LPAR3: variants seen among roughly 807,000 people sequenced by gnomAD.
The protein encoded by LPAR3 is lysophosphatidic acid receptor 3, also known as LPA receptor 3.
In LPAR3, 7 loss-of-function variants were observed where a neutral mutation model predicts 17.8. That is an observed-to-expected ratio of 0.39 (90% confidence interval 0.22 to 0.74). LPAR3 has a LOEUF of 0.74. Ranked by LOEUF, LPAR3 falls within the 30% of genes least tolerant of loss-of-function variation. The probability of loss-of-function intolerance (pLI) is 0.40; values close to 1 mark genes in which losing one functional copy is unlikely to be tolerated. For missense variants in LPAR3, 391 were observed against 453.4 expected (o/e 0.86, Z 1.25); for synonymous variants, 179 against 179.9 (o/e 0.99, Z 0.04).
In LPAR3 at chr1:84,844,680, G is replaced by A. The variant is rs564246967; in HGVS notation, c.736+20705C>T. On this transcript the variant is annotated intron_variant, in intron 2 of 2. Transcript: ENST00000370611. ...AGCCACTGAAGAGAATTAGACATATGTTTATACAGACATGAAAAAATATTC... is the reference window on the plus strand; with the variant it reads ...AGCCACTGAAGAGAATTAGACATATATTTATACAGACATGAAAAAATATTC... 2.0e-5 allele frequency among the ~76,000 whole-genome samples: 3 copies of A among 152,204 alleles called. No homozygotes were observed. In the East Asian group the frequency reaches 5.8e-4, roughly 29 times the overall value.
At chr1:84,889,097 C>G (rs1411208222) in intron 1 of LPAR3, among the ~76,000 whole-genome samples, 1 of 151,758 alleles carries the variant, frequency 6.6e-6, no homozygotes, top group Non-Finnish European at 1.5e-5. Flanking sequence ...AAGAGGCCAG[C>G]CAAGGAAGAG....
At chr1:84,818,327 T>C (rs990131917) in intron 2 of LPAR3, among the ~76,000 whole-genome samples, 2 of 152,146 alleles carry the variant, frequency 1.3e-5, no homozygotes, top group African/African-American at 4.8e-5. Flanking sequence ...GAAGACTTGT[T>C]TGGAGTGTTG....
At position 84,851,994 on chromosome 1, in the gene LPAR3, T is replaced by C. The variant is rs145346459; in HGVS notation, c.736+13391A>G. On this transcript the variant is annotated intron_variant, in intron 2 of 2. Coordinates refer to ENST00000370611, the MANE Select transcript of LPAR3 (RefSeq NM_012152.3). Reference sequence around the variant, plus strand: ...GACCGTTAGCAACACACAGCAAGTCTTGGACTAAAGGCGTGTAGTAGGATC... The same window carrying C: ...GACCGTTAGCAACACACAGCAAGTCCTGGACTAAAGGCGTGTAGTAGGATC... Among the ~76,000 whole-genome samples the C allele has an allele frequency of 5.3e-5, 8 of 151,928 alleles. No homozygotes were observed. The East Asian group carries it at 1.5e-3, about 29-fold the overall frequency.
intron 2 of LPAR3, among the ~76,000 whole-genome samples, chr1:84,841,468 G>A (rs1035249721): frequency 1.3e-5 from 2 of 152,186 alleles, no homozygotes; most frequent in African/African-American, 4.8e-5. Flanking sequence ...GAAATTCTCA[G>A]TGGTTCCTGT....
intron 2 of LPAR3, among the ~76,000 whole-genome samples, chr1:84,817,652 G>C (rs1253609164): frequency 6.6e-6 from 1 of 152,044 alleles, no homozygotes. Flanking sequence ...TTTGCCTTTT[G>C]TTGTTCATTG....
chr1:84,832,290 C>T (rs1659300964), intron 2 of LPAR3, among the ~76,000 whole-genome samples: 2 of 152,172 alleles, frequency 1.3e-5, no homozygotes, highest in East Asian at 1.9e-4. Flanking sequence ...TTTCTTCCTA[C>T]AATCATCAAC....
chr1:84,857,220 C>A (rs774053326), intron 2 of LPAR3, among the ~76,000 whole-genome samples: 8 of 152,176 alleles, frequency 5.3e-5, no homozygotes, highest in Non-Finnish European at 8.8e-5. Flanking sequence ...TGCTTGAATA[C>A]AGGGCATGGC....
intron 2 of LPAR3, among the ~76,000 whole-genome samples, chr1:84,855,662 G>A (rs1659803058): frequency 6.6e-6 from 1 of 152,206 alleles, no homozygotes; most frequent in Non-Finnish European, 1.5e-5. Context: ...TTGGTGTAAT[G>A]GAACTGAAGG....
intron 2 of LPAR3, among the ~76,000 whole-genome samples, chr1:84,854,047 C>G (rs963195447): frequency 2.6e-5 from 4 of 152,212 alleles, no homozygotes; most frequent in Admixed American, 6.5e-5. Flanking sequence ...TGCCTAGTCT[C>G]TCTTAGATAT....
intron 2 of LPAR3, among the ~76,000 whole-genome samples, chr1:84,830,004 A>T (rs1048247673): frequency 6.6e-6 from 1 of 152,170 alleles, no homozygotes; most frequent in Non-Finnish European, 1.5e-5. Context: ...ATACAGAGAT[A>T]TTGTAGTCCC....
chr1:84,826,071 A>G (rs372031008), intron 2 of LPAR3, among the ~76,000 whole-genome samples: 208 of 152,106 alleles, frequency 1.4e-3, no homozygotes, highest in African/African-American at 4.8e-3. Context: ...GAGTTGTGCA[A>G]TGTGAAGAAA....
chr1:84,811,730 TA>T lies in LPAR3; in HGVS notation c.*2115del, dbSNP rs1658815894. ...ATTCTCTATTTTAGGCTATTATATT[TA>T]GAAGCATGACATCTCAAATCCTTTT... On this transcript the variant is annotated 3_prime_UTR_variant, in exon 3 of 3. Transcript: ENST00000370611. The T allele has an allele frequency of 2.0e-5, 3 of 152,218 alleles. No individual in the cohort carries two copies. Among genetic ancestry groups the T allele is most frequent in the Admixed American group, 6.5e-5 (1 of 15,280 alleles). 9.4% of individuals were successfully genotyped at this position (152,218 alleles called of 1,614,324 possible).
intron 2 of LPAR3, among the ~76,000 whole-genome samples, chr1:84,850,220 C>G (rs543270138): frequency 6.6e-6 from 1 of 151,776 alleles, no homozygotes; most frequent in South Asian, 2.1e-4. Flanking sequence ...CCTGATGGAA[C>G]CCCCTCCCAT....
At chr1:84,846,475 C>T (rs1457811892) in intron 2 of LPAR3, among the ~76,000 whole-genome samples, 7 of 152,116 alleles carry the variant, frequency 4.6e-5, no homozygotes, top group Non-Finnish European at 7.4e-5. Flanking sequence ...TCCCTTCTCC[C>T]CTCTCATTTA....
At chr1:84,888,677 T>C (rs904361423) in intron 1 of LPAR3, among the ~76,000 whole-genome samples, 5 of 152,216 alleles carry the variant, frequency 3.3e-5, no homozygotes, top group African/African-American at 1.2e-4. Context: ...CTGCTTTTAT[T>C]TAGACCGCAT....
chr1:84,877,539 A>G (rs1375749672), intron 1 of LPAR3, among the ~76,000 whole-genome samples: 1 of 152,208 alleles, frequency 6.6e-6, no homozygotes, highest in Admixed American at 6.5e-5. Flanking sequence ...TCACTGTAGC[A>G]TTCTTAACCT....
intron 2 of LPAR3, among the ~76,000 whole-genome samples, chr1:84,860,524 C>A (rs1284994892): frequency 6.6e-6 from 1 of 152,138 alleles, no homozygotes; most frequent in Non-Finnish European, 1.5e-5. Flanking sequence ...TCCCACCTAT[C>A]CTTCCAGATT....
At chr1:84,829,683 T>C (rs913862501) in intron 2 of LPAR3, among the ~76,000 whole-genome samples, 1 of 152,052 alleles carries the variant, frequency 6.6e-6, no homozygotes, top group Non-Finnish European at 1.5e-5. Flanking sequence ...TAATGTACTA[T>C]AATGACGAAA....
At chr1:84,832,241 T>C (rs1283257841) in intron 2 of LPAR3, among the ~76,000 whole-genome samples, 1 of 152,188 alleles carries the variant, frequency 6.6e-6, no homozygotes, top group African/African-American at 2.4e-5. Flanking sequence ...CCTCCCCATC[T>C]AGGAACACTG....
Sources: allele counts gnomAD v4.1 joint callset (sites outside exome capture counted in the v4.1 genomes callset), GRCh38; gene constraint gnomAD v4.1.1; transcripts MANE v1.5; gene names NCBI Gene and HGNC (gene_info 2026-07-23, HGNC 2026-07-21).